Variants in BANK1 observed in about 807,000 individuals in gnomAD.
BANK1 encodes the protein B cell scaffold protein with ankyrin repeats 1.
BANK1 carries 95 observed loss-of-function variants against 94.5 expected under a neutral mutation model. The ratio of observed to expected loss-of-function variants is 1.00; its 90% confidence interval spans 0.85 to 1.19. The LOEUF is 1.19. Ranked by LOEUF, BANK1 falls within the 50% of genes most tolerant of loss-of-function variation. BANK1 has a pLI of 0.00. For synonymous variants in BANK1, 334 were observed against 308.4 expected (o/e 1.08, Z -0.87); for missense variants, 987 against 932.2 (o/e 1.06, Z -0.77).
Position 102,021,524 on chromosome 4 carries a change from T to C in BANK1, c.1217T>C (p.Ile406Thr). 5 of 1,437,470 alleles carry C rather than the reference T, an allele frequency of 3.5e-6. No individual in the cohort carries two copies. Among genetic ancestry groups the C allele is most frequent in the Non-Finnish European group, 4.7e-6 (5 of 1,061,156 alleles). The allele number at this position is 1,437,470 out of a possible 1,614,324, so 89.0% of individuals were successfully genotyped here. ...TTACATTTTTTTCAGATCCAAGAAA[T>C]TGACATAAATAATGAGCAAGAAAAT... ...KIFEDFSIQEIDINNEQENDY... is the reference protein window; with the variant it reads ...KIFEDFSIQETDINNEQENDY... The change falls in exon 8 of 17, where the codon ATT becomes ACT. Residue 406 changes from isoleucine (I) to threonine (T), a missense_variant. Coordinates refer to ENST00000322953, the MANE Select transcript of BANK1 (RefSeq NM_017935.5).
At chr4:101,966,981 A>G (rs954545240) in intron 7 of BANK1, among the ~76,000 whole-genome samples, 2 of 152,068 alleles carry the variant, frequency 1.3e-5, no homozygotes, top group Admixed American at 6.6e-5. Context: ...GAAAACAAAC[A>G]TTTCCCAAGT....
chr4:102,002,216 G>A (rs760554678), intron 7 of BANK1, among the ~76,000 whole-genome samples: 6 of 151,952 alleles, frequency 3.9e-5, no homozygotes, highest in African/African-American at 1.5e-4. Flanking sequence ...TCTTTCACAC[G>A]TATGATCTTA....
chr4:101,936,993 T>C (rs1394059037), intron 7 of BANK1, among the ~76,000 whole-genome samples: 1 of 151,642 alleles, frequency 6.6e-6, no homozygotes, highest in Non-Finnish European at 1.5e-5. Flanking sequence ...AAGAGATAAC[T>C]GCACTTCCAT....
In BANK1 at chr4:102,030,156, A is replaced by G. The variant is rs758255317; in HGVS notation, c.1791A>G (p.Ile597Met). The change falls in exon 10 of 17, where the codon ATA becomes ATG. Residue 597 changes from isoleucine to methionine, a missense_variant. By Grantham distance (10) the Ile-to-Met change is conservative. Transcript: ENST00000322953. Reference sequence around the variant, plus strand: ...ACATGATATTGGCCAATCTGAGTATAAAGAAAAAAACTGGGAGTCGGTCTT... The same window carrying G: ...ACATGATATTGGCCAATCTGAGTATGAAGAAAAAAACTGGGAGTCGGTCTT... ...EYDMILANLS[I>M]KKKTGSRSFI... is the part of the protein sequence containing the mutation. 3 of 1,614,138 alleles carry G rather than the reference A, an allele frequency of 1.9e-6. No homozygotes were observed. The South Asian group carries it at 3.3e-5, about 18-fold the overall frequency.
intron 1 of BANK1, among the ~76,000 whole-genome samples, chr4:101,798,463 T>C (rs941818176): frequency 6.6e-6 from 1 of 152,186 alleles, no homozygotes; most frequent in Non-Finnish European, 1.5e-5. Flanking sequence ...AATGTGTAGA[T>C]TTTCTTATGT....
chr4:101,811,266 A>T (rs1320552050), intron 1 of BANK1, among the ~76,000 whole-genome samples: 1 of 152,184 alleles, frequency 6.6e-6, no homozygotes, highest in East Asian at 1.9e-4. Context: ...AAGGTCAGCA[A>T]TATTATTTTA....
At chr4:102,046,752 G>T (rs1422133222) in intron 11 of BANK1, among the ~76,000 whole-genome samples, 3 of 152,084 alleles carry the variant, frequency 2.0e-5, no homozygotes, top group Admixed American at 2.0e-4. Flanking sequence ...AATATTTTCT[G>T]CCTCCAGTTT....
chr4:101,987,968 G>A (rs1197417138), intron 7 of BANK1, among the ~76,000 whole-genome samples: 1 of 152,152 alleles, frequency 6.6e-6, no homozygotes, highest in Non-Finnish European at 1.5e-5. Context: ...AGTGATCATA[G>A]AAGCACTGGT....
At chr4:101,931,055 A>G (rs150299924) in intron 7 of BANK1, among the ~76,000 whole-genome samples, 4 of 151,650 alleles carry the variant, frequency 2.6e-5, no homozygotes, top group African/African-American at 9.6e-5. Flanking sequence ...GTTGAGTTAA[A>G]TTTAGTTATG....
chr4:101,999,957 C>G (rs1726005727), intron 7 of BANK1, among the ~76,000 whole-genome samples: 1 of 152,080 alleles, frequency 6.6e-6, no homozygotes, highest in Non-Finnish European at 1.5e-5. Flanking sequence ...TCTGGAGAGG[C>G]AAAGTAATGA....
chr4:102,060,686 G>C (rs528763017), intron 12 of BANK1, among the ~76,000 whole-genome samples: 10 of 152,186 alleles, frequency 6.6e-5, no homozygotes, highest in African/African-American at 2.4e-4. Context: ...TTAAGGTAAA[G>C]CATCTTTACA....
At chr4:102,035,699 A>C (rs1412403491) in intron 10 of BANK1, among the ~76,000 whole-genome samples, 1 of 151,662 alleles carries the variant, frequency 6.6e-6, no homozygotes, top group African/African-American at 2.4e-5. Context: ...ATCAAGATAT[A>C]TGTTTCTGAT....
Position 102,030,037 on chromosome 4 carries a change from C to T in BANK1, c.1672C>T (p.Pro558Ser), listed in dbSNP as rs758154754. 3.5e-5 allele frequency: 56 copies of T among 1,613,236 alleles called. 1 individual carries two copies. The South Asian group carries it at 5.1e-4, about 15-fold the overall frequency. Reference protein sequence around the residue: ...PGVRQETGDEPKGEKEKKEEE... With the variant: ...PGVRQETGDESKGEKEKKEEE... ...TGTTAGACAAGAAACAGGAGATGAA[C>T]CCAAAGGAGAAAAAGAGAAGAAAGA... Residue 558 changes from proline to serine, a missense_variant, in exon 10 of 17, where the codon CCC becomes TCC. Physicochemically the swap from Pro to Ser is moderately conservative, Grantham distance 74. Coordinates refer to ENST00000322953, the MANE Select transcript of BANK1 (RefSeq NM_017935.5).
At chr4:101,910,535 A>G (rs1722629288) in intron 6 of BANK1, among the ~76,000 whole-genome samples, 1 of 151,778 alleles carries the variant, frequency 6.6e-6, no homozygotes, top group African/African-American at 2.4e-5. Context: ...TTCTACTAAA[A>G]ATAGAAAAAT....
intron 2 of BANK1, among the ~76,000 whole-genome samples, chr4:101,842,228 G>A (rs1727076198): frequency 6.6e-6 from 1 of 152,098 alleles, no homozygotes; most frequent in Admixed American, 6.5e-5. Context: ...TCAGAACACT[G>A]GCTTCTCCTT....
At chr4:102,050,794 G>GAGTC (rs1728022052) in intron 11 of BANK1, among the ~76,000 whole-genome samples, 1 of 146,474 alleles carries the variant, frequency 6.8e-6, no homozygotes, top group Non-Finnish European at 1.5e-5. Context: ...AAGGGATATA[G>GAGTC]AGTCAGGTTA....
chr4:101,901,103 C>T (rs987839550), intron 6 of BANK1, among the ~76,000 whole-genome samples: 1 of 152,186 alleles, frequency 6.6e-6, no homozygotes. Context: ...CAACACCATC[C>T]ATTAATGCTA....
intron 7 of BANK1, among the ~76,000 whole-genome samples, chr4:101,978,932 C>G (rs1019818321): frequency 1.3e-5 from 2 of 151,972 alleles, no homozygotes; most frequent in African/African-American, 4.8e-5. Flanking sequence ...AGCTTTCCTA[C>G]TTGTATTTAA....
intron 2 of BANK1, among the ~76,000 whole-genome samples, chr4:101,845,882 T>C (rs1026126122): frequency 6.6e-6 from 1 of 151,772 alleles, no homozygotes; most frequent in Non-Finnish European, 1.5e-5. Context: ...GTTTTTATTA[T>C]ACTTTAAGTT....
Sources: allele counts gnomAD v4.1 joint callset (sites outside exome capture counted in the v4.1 genomes callset), GRCh38; gene constraint gnomAD v4.1.1; transcripts MANE v1.5; gene names NCBI Gene and HGNC (gene_info 2026-07-23, HGNC 2026-07-21).